PTCHD4: variants seen among roughly 807,000 people sequenced by gnomAD.
PTCHD4 encodes patched domain containing 4, also known as patched domain-containing protein 4.
A neutral mutation model predicts 58.1 loss-of-function variants in PTCHD4; 33 were observed. The observed-to-expected ratio is 0.57, with a 90% CI of 0.43 to 0.76. The LOEUF (loss-of-function observed/expected upper bound fraction) is 0.76. Ranked by LOEUF, PTCHD4 falls within the 30% of genes least tolerant of loss-of-function variation. PTCHD4 has a pLI of 0.00. For synonymous variants in PTCHD4, 478 were observed against 409.6 expected (o/e 1.17, Z -2.02); for missense variants, 1,058 against 1,027.1 (o/e 1.03, Z -0.41).
At chr6:48,015,654 T>C (rs1056672373) in intron 3 of PTCHD4, among the ~76,000 whole-genome samples, 2 of 152,016 alleles carry the variant, frequency 1.3e-5, no homozygotes, top group Admixed American at 6.6e-5. Context: ...CCAGCCTTCC[T>C]TGCAATCATT....
chr6:48,088,667 G>A (rs75188786), intron 1 of PTCHD4, among the ~76,000 whole-genome samples: 1,666 of 152,264 alleles, frequency 0.011, 31 homozygotes, highest in African/African-American at 0.038. Flanking sequence ...TTTTAGTGCA[G>A]TGAAAATTTA....
chr6:47,969,887 A>G (rs1054573193), intron 4 of PTCHD4, among the ~76,000 whole-genome samples: 1 of 152,196 alleles, frequency 6.6e-6, no homozygotes, highest in Non-Finnish European at 1.5e-5. Flanking sequence ...AAATATGAGC[A>G]TATCCACAAT....
intron 3 of PTCHD4, among the ~76,000 whole-genome samples, chr6:48,021,644 T>C (rs1218206594): frequency 6.6e-6 from 1 of 152,142 alleles, no homozygotes; most frequent in Non-Finnish European, 1.5e-5. Context: ...CAGATAGTTG[T>C]AATTGCTGAA....
chr6:47,975,984 T>C (rs971518654), intron 4 of PTCHD4, among the ~76,000 whole-genome samples: 2 of 152,216 alleles, frequency 1.3e-5, no homozygotes, highest in African/African-American at 2.4e-5. Context: ...ATCTGTCTTG[T>C]CCTTTCTGGT....
chr6:48,080,939 G>T (rs552298794), intron 1 of PTCHD4, among the ~76,000 whole-genome samples: 273 of 152,218 alleles, frequency 1.8e-3, no homozygotes, highest in African/African-American at 6.5e-3. Context: ...TCTGATACTT[G>T]TTTCTGTTTT....
intron 1 of PTCHD4, among the ~76,000 whole-genome samples, chr6:48,104,358 A>G (rs1361958870): frequency 6.6e-6 from 1 of 152,252 alleles, no homozygotes; most frequent in Non-Finnish European, 1.5e-5. Context: ...ACTAAGCTTC[A>G]TAAGTGAAGG....
intron 4 of PTCHD4, among the ~76,000 whole-genome samples, chr6:47,924,697 G>A (rs1435458074): frequency 6.6e-6 from 1 of 152,148 alleles, no homozygotes; most frequent in Non-Finnish European, 1.5e-5. Flanking sequence ...GGGCTTCTAA[G>A]CAATTTTCAC....
chr6:48,069,647 C>T lies in PTCHD4; in HGVS notation c.-690G>A, dbSNP rs972583988. ...TGATGGCTGGAGAGGAGGCATTTGCCAATAGCAGTAGCCTGTGTGCGTGTG... is the reference window on the plus strand; with the variant it reads ...TGATGGCTGGAGAGGAGGCATTTGCTAATAGCAGTAGCCTGTGTGCGTGTG... On this transcript the variant is annotated 5_prime_UTR_variant, in exon 2 of 5. An upstream open reading frame in the 5' UTR gains an earlier in-frame stop. Transcript: ENST00000339488. Among the ~76,000 whole-genome samples the T allele has an allele frequency of 1.3e-5, 2 of 150,980 alleles. No homozygotes were observed. Among genetic ancestry groups the T allele is most frequent in the African/African-American group, 2.4e-5 (1 of 40,848 alleles).
In PTCHD4 at chr6:48,049,610, C is replaced by A. The variant is rs1224188159; in HGVS notation, c.417+18620G>T. 2.0e-5 allele frequency among the ~76,000 whole-genome samples: 3 copies of A among 152,032 alleles called. No homozygotes were observed. In the East Asian group the frequency reaches 5.8e-4, roughly 29 times the overall value. ...CTCAAATCTCACTTCATCCTAAAAG[C>A]CTTGGGGAAAGATAAAGGTGATCCA... On this transcript the variant is annotated intron_variant, in intron 3 of 4. Transcript: ENST00000339488.
intron 4 of PTCHD4, among the ~76,000 whole-genome samples, chr6:47,957,096 C>T (rs1024444438): frequency 2.7e-5 from 4 of 150,634 alleles, no homozygotes; most frequent in Non-Finnish European, 4.4e-5. Context: ...ACCCTGGAGG[C>T]GGAGGTTGCA....
chr6:48,084,398 T>A (rs1406621456), intron 1 of PTCHD4, among the ~76,000 whole-genome samples: 2 of 152,198 alleles, frequency 1.3e-5, no homozygotes, highest in Non-Finnish European at 2.9e-5. Context: ...TGCACTTTCA[T>A]CATAGTCACA....
rs1763430508 is a variant in PTCHD4, at chr6:47,861,726, A to G, written c.*16577T>C. Among the ~76,000 whole-genome samples, 1 of 151,938 alleles carries G rather than the reference A, an allele frequency of 6.6e-6. No homozygotes were observed. On this transcript the variant is annotated 3_prime_UTR_variant, in exon 5 of 5. Transcript: ENST00000339488. ...ACTCTAGTTTTGCCAATGTCTCATAACAAATGTTTCAGTGAAAGCAAATAG... is the reference window on the plus strand; with the variant it reads ...ACTCTAGTTTTGCCAATGTCTCATAGCAAATGTTTCAGTGAAAGCAAATAG...
chr6:48,087,653 A>G (rs528359741), intron 1 of PTCHD4, among the ~76,000 whole-genome samples: 7 of 152,186 alleles, frequency 4.6e-5, no homozygotes, highest in Admixed American at 2.6e-4. Context: ...TCTCATAACC[A>G]CTAGATGGCA....
chr6:47,857,295 T>C lies in PTCHD4; in HGVS notation c.*21008A>G, dbSNP rs182489610. Among the ~76,000 whole-genome samples the C allele has an allele frequency of 1.4e-4, 22 of 152,176 alleles. No individual in the cohort carries two copies. The East Asian group carries it at 3.5e-3, about 24-fold the overall frequency. On this transcript the variant is annotated 3_prime_UTR_variant, in exon 5 of 5. Transcript: ENST00000339488. ...TCTTATTTGTTTCCCTCCAGACTAG[T>C]AAGAACAGATGCACATTGACGACAC...
chr6:47,886,136 T>TC (rs1554149616), intron 4 of PTCHD4, among the ~76,000 whole-genome samples: 9 of 150,910 alleles, frequency 6.0e-5, no homozygotes, highest in South Asian at 2.1e-4. Context: ...TTTTTTTTTT[T>TC]CCCAGAGCAA....
Position 47,991,345 on chromosome 6 carries a change from A to G in PTCHD4, c.898+17289T>C, listed in dbSNP as rs560788859. 9.8e-5 allele frequency among the ~76,000 whole-genome samples: 15 copies of G among 152,304 alleles called. No homozygotes were observed. In the East Asian group the frequency reaches 2.5e-3, roughly 25 times the overall value. On this transcript the variant is annotated intron_variant, in intron 4 of 4. Transcript: ENST00000339488. ...ATAGAGAATAGTTATTTTCAATATA[A>G]TAAAGGAATTTTGTACCCAGTAAAA...
Position 47,857,041 on chromosome 6 carries a change from T to C in PTCHD4, c.*21262A>G, listed in dbSNP as rs1161294137. On this transcript the variant is annotated 3_prime_UTR_variant, in exon 5 of 5. Coordinates refer to ENST00000339488, the MANE Select transcript of PTCHD4 (RefSeq NM_001384253.1). Reference sequence around the variant, plus strand: ...GTTGCTTAGGGAAATTGGAGCCTTCTGGACCCAGCCCAAATAATCTTTTAG... The same window carrying C: ...GTTGCTTAGGGAAATTGGAGCCTTCCGGACCCAGCCCAAATAATCTTTTAG... 6.6e-6 allele frequency among the ~76,000 whole-genome samples: 1 copy of C among 152,104 alleles called. No individual in the cohort carries two copies. Among genetic ancestry groups the C allele is most frequent in the African/African-American group, 2.4e-5 (1 of 41,446 alleles).
chr6:47,947,970 T>G (rs1307728321), intron 4 of PTCHD4, among the ~76,000 whole-genome samples: 1 of 152,214 alleles, frequency 6.6e-6, no homozygotes, highest in Non-Finnish European at 1.5e-5. Context: ...TATATTTCTT[T>G]GTTTCAAAGT....
intron 1 of PTCHD4, among the ~76,000 whole-genome samples, chr6:48,103,969 G>A (rs878869238): frequency 4.6e-5 from 7 of 152,194 alleles, no homozygotes; most frequent in Admixed American, 1.3e-4. Context: ...CCAAATCTAC[G>A]TCTAATTGGT....
Sources: allele counts gnomAD v4.1 joint callset (sites outside exome capture counted in the v4.1 genomes callset), GRCh38; gene constraint gnomAD v4.1.1; transcripts MANE v1.5; gene names NCBI Gene and HGNC (gene_info 2026-07-23, HGNC 2026-07-21).